The following ADAMTS12 variants were observed in gnomAD, a reference collection of about 807,000 sequenced individuals.
The protein encoded by ADAMTS12 is ADAM metallopeptidase with thrombospondin type 1 motif 12.
In ADAMTS12, 118 loss-of-function variants were observed where a neutral mutation model predicts 167.8. The ratio of observed to expected loss-of-function variants is 0.70; its 90% CI spans 0.61 to 0.82. The LOEUF is 0.82. ADAMTS12 is among the 40% of genes least tolerant of loss of function. The pLI, the probability that ADAMTS12 is intolerant of heterozygous loss-of-function variation, is 0.00. For missense variants in ADAMTS12, 1,916 were observed against 1,998.8 expected (o/e 0.96, Z 0.79); for synonymous variants, 704 against 716.9 (o/e 0.98, Z 0.29).
intron 2 of ADAMTS12, among the ~76,000 whole-genome samples, chr5:33,822,972 T>C (rs948203963): frequency 6.6e-6 from 1 of 151,708 alleles, no homozygotes; most frequent in Non-Finnish European, 1.5e-5. Flanking sequence ...CACACCATAG[T>C]CCCAGCTACT....
intron 6 of ADAMTS12, among the ~76,000 whole-genome samples, chr5:33,661,573 A>G (rs2112217571): frequency 6.6e-6 from 1 of 152,350 alleles, no homozygotes; most frequent in East Asian, 1.9e-4. Context: ...TAAAAGTAAC[A>G]AGAGTCTTTA....
chr5:33,700,819 G>A (rs1462103728), intron 3 of ADAMTS12, among the ~76,000 whole-genome samples: 1 of 152,100 alleles, frequency 6.6e-6, no homozygotes, highest in Admixed American at 6.5e-5. Flanking sequence ...AGATCTCTTT[G>A]TATTGTATCT....
chr5:33,581,629 A>G (rs149602537), intron 18 of ADAMTS12, among the ~76,000 whole-genome samples: 2 of 152,330 alleles, frequency 1.3e-5, no homozygotes, highest in East Asian at 3.9e-4. Context: ...TAAATGAATA[A>G]TTAGATCTCA....
At chr5:33,555,910 T>A (rs1745469268) in intron 20 of ADAMTS12, among the ~76,000 whole-genome samples, 1 of 152,190 alleles carries the variant, frequency 6.6e-6, no homozygotes, top group African/African-American at 2.4e-5. Context: ...GACTGTGTAG[T>A]ACTGGGGAGT....
rs180729190 is a variant in ADAMTS12, at chr5:33,638,946, T to C, written c.1719-1200A>G. ...TTTGAGAAGGTTCCCAGGCATGCCT[T>C]CTGGTCTCCATCTTGCTGCAGTATC... On this transcript the variant is annotated intron_variant, in intron 11 of 23. Coordinates refer to ENST00000504830, the MANE Select transcript of ADAMTS12 (RefSeq NM_030955.4). 3.0e-3 allele frequency among the ~76,000 whole-genome samples: 457 copies of C among 152,296 alleles called. 5 individuals are homozygous for C. Among genetic ancestry groups the C allele is most frequent in the African/African-American group, 0.011 (442 of 41,566 alleles).
intron 2 of ADAMTS12, among the ~76,000 whole-genome samples, chr5:33,811,218 G>T (rs898739988): frequency 6.6e-6 from 1 of 152,196 alleles, no homozygotes; most frequent in Non-Finnish European, 1.5e-5. Context: ...TCACCAGGAT[G>T]ATCAACACTA....
chr5:33,855,491 AT>A (rs1749364816), intron 2 of ADAMTS12, among the ~76,000 whole-genome samples: 1 of 152,238 alleles, frequency 6.6e-6, no homozygotes, highest in African/African-American at 2.4e-5. Flanking sequence ...GGAAGATTAA[AT>A]TTCTTTTTGG....
intron 1 of ADAMTS12, among the ~76,000 whole-genome samples, chr5:33,890,229 T>A (rs1750793366): frequency 6.6e-6 from 1 of 152,172 alleles, no homozygotes; most frequent in African/African-American, 2.4e-5. Flanking sequence ...CGAAATCATC[T>A]CCAAATGCCC....
chr5:33,865,906 G>A (rs1462155158), intron 2 of ADAMTS12, among the ~76,000 whole-genome samples: 1 of 152,076 alleles, frequency 6.6e-6, no homozygotes, highest in Non-Finnish European at 1.5e-5. Flanking sequence ...TAACCAATGA[G>A]ATAAAAGAGC....
chr5:33,704,214 T>C (rs1743105534), intron 3 of ADAMTS12, among the ~76,000 whole-genome samples: 1 of 152,214 alleles, frequency 6.6e-6, no homozygotes, highest in African/African-American at 2.4e-5. Flanking sequence ...TTTCATTGTA[T>C]GTATATACCA....
chr5:33,701,504 C>A (rs1743000687), intron 3 of ADAMTS12, among the ~76,000 whole-genome samples: 1 of 152,326 alleles, frequency 6.6e-6, no homozygotes, highest in African/African-American at 2.4e-5. Flanking sequence ...CCACCCCACC[C>A]ACCCCAGCAT....
At chr5:33,804,573 ACGTG>A (rs1747150170) in intron 2 of ADAMTS12, among the ~76,000 whole-genome samples, 1 of 152,184 alleles carries the variant, frequency 6.6e-6, no homozygotes, top group African/African-American at 2.4e-5. Context: ...ATTCCCCAAC[ACGTG>A]CTGAAAGGTA....
intron 23 of ADAMTS12, among the ~76,000 whole-genome samples, chr5:33,533,156 A>G (rs1268413199): frequency 6.6e-6 from 1 of 152,212 alleles, no homozygotes; most frequent in Non-Finnish European, 1.5e-5. Flanking sequence ...CCCTGTTTTG[A>G]TTATTGAAGA....
At position 33,649,095 on chromosome 5, in the gene ADAMTS12, G is replaced by T. The variant is rs1740784576; in HGVS notation, c.1335-129C>A. ...AGACAACTTTATTTTTTACAAGGCA[G>T]AGAACTCTCTAGGCCCATCATGGGA... On this transcript the variant is annotated intron_variant, in intron 8 of 23. Transcript: ENST00000504830. 5 of 1,131,042 alleles carry T rather than the reference G, an allele frequency of 4.4e-6. No individual in the cohort carries two copies. In the Admixed American group the frequency reaches 1.4e-4, roughly 31 times the overall value. 70.1% of individuals were successfully genotyped at this position (1,131,042 alleles called of 1,614,324 possible). A position where few individuals can be genotyped will look rare whatever the true frequency, so the allele number is the denominator to read the frequency against.
intron 20 of ADAMTS12, among the ~76,000 whole-genome samples, chr5:33,553,432 C>T (rs1039054986): frequency 6.6e-6 from 1 of 152,160 alleles, no homozygotes; most frequent in Admixed American, 6.5e-5. Flanking sequence ...CATTGTGGCA[C>T]TATTCACAAT....
intron 3 of ADAMTS12, among the ~76,000 whole-genome samples, chr5:33,705,142 A>G (rs191768484): frequency 4.4e-4 from 67 of 152,032 alleles, no homozygotes; most frequent in Admixed American, 3.0e-3. Flanking sequence ...ACTTGTAAGT[A>G]GAACATATCG....
At chr5:33,677,181 A>G (rs1486386870) in intron 5 of ADAMTS12, among the ~76,000 whole-genome samples, 1 of 152,170 alleles carries the variant, frequency 6.6e-6, no homozygotes, top group Non-Finnish European at 1.5e-5. Flanking sequence ...TGAAATAAGC[A>G]TAGTATTAAT....
At chr5:33,813,892 T>C (rs1255413549) in intron 2 of ADAMTS12, among the ~76,000 whole-genome samples, 1 of 152,222 alleles carries the variant, frequency 6.6e-6, no homozygotes, top group Non-Finnish European at 1.5e-5. Flanking sequence ...ATTACAAAAA[T>C]AACATGGTTA....
intron 3 of ADAMTS12, among the ~76,000 whole-genome samples, chr5:33,733,303 C>G (rs1418501998): frequency 6.6e-6 from 1 of 151,856 alleles, no homozygotes; most frequent in African/African-American, 2.4e-5. Flanking sequence ...TCAAGAAAAC[C>G]AGTTGTAGGA....
Sources: gnomAD v4.1 joint callset for allele counts (sites outside exome capture counted in the v4.1 genomes callset) on GRCh38, gnomAD v4.1.1 for gene constraint, MANE v1.5 for transcripts, NCBI Gene and HGNC (gene_info 2026-07-23, HGNC 2026-07-21) for gene names.